HS3ST2: variants seen among roughly 807,000 people sequenced by gnomAD.
HS3ST2 encodes heparan sulfate-glucosamine 3-sulfotransferase 2, also known as heparan sulfate glucosamine 3-O-sulfotransferase 2.
HS3ST2 carries 17 observed loss-of-function variants against 26.3 expected under a neutral mutation model. The observed-to-expected ratio is 0.65, with a 90% confidence interval of 0.44 to 0.97. The LOEUF (loss-of-function observed/expected upper bound fraction) is 0.97. HS3ST2 is among the 50% of genes least tolerant of loss of function. HS3ST2 has a pLI of 0.00. For missense variants in HS3ST2, 402 were observed against 501.2 expected, an observed-to-expected ratio of 0.80 and a Z score of 1.89; for synonymous variants, 237 against 219.2, an observed-to-expected ratio of 1.08 and a Z score of -0.72.
chr16:22,847,771 A>G (rs1901458978), intron 1 of HS3ST2, among the ~76,000 whole-genome samples: 1 of 151,772 alleles, frequency 6.6e-6, no homozygotes, highest in Non-Finnish European at 1.5e-5. Context: ...ATAGGGAGAG[A>G]AAGAGAAAGA....
chr16:22,826,409 A>T (rs771307712), intron 1 of HS3ST2, among the ~76,000 whole-genome samples: 11 of 152,256 alleles, frequency 7.2e-5, no homozygotes, highest in Non-Finnish European at 1.3e-4. Flanking sequence ...CAAAGAGACC[A>T]TTCTCAGCCA....
At chr16:22,858,086 T>G (rs1283266210) in intron 1 of HS3ST2, among the ~76,000 whole-genome samples, 1 of 128,664 alleles carries the variant, frequency 7.8e-6, no homozygotes, top group Non-Finnish European at 1.6e-5. Context: ...CTTTAAGAGC[T>G]CTTAGGCATT....
At chr16:22,901,714 G>A (rs530799383) in intron 1 of HS3ST2, among the ~76,000 whole-genome samples, 141 of 152,176 alleles carry the variant, frequency 9.3e-4, no homozygotes, top group African/African-American at 2.7e-3. Context: ...CACGATCACC[G>A]TTCCTCCTTT....
chr16:22,913,083 A>C (rs1274800112), intron 1 of HS3ST2, among the ~76,000 whole-genome samples: 2 of 148,458 alleles, frequency 1.3e-5, no homozygotes, highest in Non-Finnish European at 3.0e-5. Flanking sequence ...CAGAGCCCAG[A>C]CATGTTTATT....
At chr16:22,899,142 A>G (rs1039750119) in intron 1 of HS3ST2, among the ~76,000 whole-genome samples, 1 of 152,156 alleles carries the variant, frequency 6.6e-6, no homozygotes, top group African/African-American at 2.4e-5. Flanking sequence ...TGACTCATGC[A>G]GTTGTTGGCT....
At chr16:22,909,935 G>T (rs957588086) in intron 1 of HS3ST2, among the ~76,000 whole-genome samples, 7 of 151,144 alleles carry the variant, frequency 4.6e-5, no homozygotes, top group Non-Finnish European at 7.4e-5. Flanking sequence ...TACTTGGGAG[G>T]CTGAGACAGG....
intron 1 of HS3ST2, among the ~76,000 whole-genome samples, chr16:22,890,761 G>A (rs987659058): frequency 6.6e-6 from 1 of 152,182 alleles, no homozygotes; most frequent in Non-Finnish European, 1.5e-5. Context: ...ACCACGTCAG[G>A]CAGATTCCAG....
chr16:22,836,847 G>C (rs963641821), intron 1 of HS3ST2, among the ~76,000 whole-genome samples: 1 of 151,884 alleles, frequency 6.6e-6, no homozygotes, highest in East Asian at 1.9e-4. Context: ...TAGTAGAGAC[G>C]GGGTTTCACC....
chr16:22,863,036 A>G (rs1901701195), intron 1 of HS3ST2, among the ~76,000 whole-genome samples: 1 of 152,234 alleles, frequency 6.6e-6, no homozygotes, highest in Non-Finnish European at 1.5e-5. Flanking sequence ...AGCCGACTAC[A>G]GACAGTCTTC....
chr16:22,878,179 T>C (rs1367829834), intron 1 of HS3ST2, among the ~76,000 whole-genome samples: 1 of 152,244 alleles, frequency 6.6e-6, no homozygotes, highest in Non-Finnish European at 1.5e-5. Flanking sequence ...CATTATGATG[T>C]CTTAAACTTC....
intron 1 of HS3ST2, among the ~76,000 whole-genome samples, chr16:22,895,389 G>A (rs994309200): frequency 6.6e-6 from 1 of 152,162 alleles, no homozygotes; most frequent in Non-Finnish European, 1.5e-5. Flanking sequence ...AATATTGAAT[G>A]ATTCACTTTG....
At chr16:22,853,427 A>G (rs1218558210) in intron 1 of HS3ST2, among the ~76,000 whole-genome samples, 1 of 152,228 alleles carries the variant, frequency 6.6e-6, no homozygotes, top group Non-Finnish European at 1.5e-5. Flanking sequence ...GAAGGATTTC[A>G]TAACAATTTC....
Position 22,915,650 on chromosome 16 carries a change from A to G in HS3ST2, c.*88A>G. ...CAGACCCTCTGATCTCCCTCCAACA[A>G]ACCCTGGCTCCAGCCCCCTTTCCCA... On this transcript the variant is annotated 3_prime_UTR_variant, in exon 2 of 2. Coordinates refer to ENST00000261374, the MANE Select transcript of HS3ST2 (RefSeq NM_006043.2). 1 of 1,414,600 alleles carries G rather than the reference A, an allele frequency of 7.1e-7. No individual in the cohort carries two copies. The highest frequency in any genetic ancestry group is 2.2e-5 in the Admixed American group (1 of 44,878). 87.6% of individuals were successfully genotyped at this position (1,414,600 alleles called of 1,614,324 possible).
At chr16:22,826,143 CT>C (rs1355034171) in intron 1 of HS3ST2, among the ~76,000 whole-genome samples, 6 of 152,206 alleles carry the variant, frequency 3.9e-5, no homozygotes, top group Admixed American at 2.0e-4. Context: ...GAATTAATCT[CT>C]CTTTTAAAGA....
intron 1 of HS3ST2, among the ~76,000 whole-genome samples, chr16:22,820,361 G>A (rs776527907): frequency 9.2e-5 from 14 of 152,238 alleles, no homozygotes; most frequent in Non-Finnish European, 1.5e-4. Flanking sequence ...GAAGGGGAAT[G>A]AAGAACAGGC....
intron 1 of HS3ST2, among the ~76,000 whole-genome samples, chr16:22,910,447 T>C (rs572197585): frequency 1.9e-4 from 29 of 152,308 alleles, no homozygotes; most frequent in Admixed American, 4.6e-4. Flanking sequence ...AACACCTGAT[T>C]ACCATATATG....
At chr16:22,883,264 T>C (rs1349906765) in intron 1 of HS3ST2, among the ~76,000 whole-genome samples, 1 of 152,216 alleles carries the variant, frequency 6.6e-6, no homozygotes, top group African/African-American at 2.4e-5. Flanking sequence ...CAGACAACTA[T>C]TGTCCATAAC....
chr16:22,886,042 A>G (rs1405031387), intron 1 of HS3ST2, among the ~76,000 whole-genome samples: 1 of 152,128 alleles, frequency 6.6e-6, no homozygotes, highest in Non-Finnish European at 1.5e-5. Context: ...CTTACATGGG[A>G]TGCCGTTAAC....
At chr16:22,871,300 G>A (rs1432727762) in intron 1 of HS3ST2, among the ~76,000 whole-genome samples, 1 of 151,046 alleles carries the variant, frequency 6.6e-6, no homozygotes, top group African/African-American at 2.4e-5. Context: ...AGATTGCAGT[G>A]AGCCAAGATT....
Sources: gnomAD v4.1 joint callset for allele counts (sites outside exome capture counted in the v4.1 genomes callset) on GRCh38, gnomAD v4.1.1 for gene constraint, MANE v1.5 for transcripts, NCBI Gene and HGNC (gene_info 2026-07-23, HGNC 2026-07-21) for gene names.